Variants in CAPRIN2 observed in about 807,000 individuals in gnomAD.
CAPRIN2 encodes the protein caprin-2.
Under a neutral mutation model 130.4 loss-of-function variants are expected in CAPRIN2, and 66 were observed. The observed-to-expected ratio is 0.51, with a 90% CI of 0.42 to 0.62. The LOEUF (loss-of-function observed/expected upper bound fraction) is 0.62, where lower values mean the gene tolerates loss of function less well. CAPRIN2 is among the 20% of genes least tolerant of loss of function. The pLI, the probability that CAPRIN2 is intolerant of heterozygous loss-of-function variation, is 0.00. For missense variants in CAPRIN2, 1,185 were observed against 1,246.6 expected (o/e 0.95, Z 0.74); for synonymous variants, 471 against 444.1 (o/e 1.06, Z -0.76).
chr12:30,754,273 G>A (rs2140137332), exon 1 of CAPRIN2: 1 of 153,764 alleles, frequency 6.5e-6, no homozygotes, highest in African/African-American at 2.4e-5. Context: ...CACCCAACCA[G>A]TTTAAGAGCT....
At position 30,726,106 on chromosome 12, in the gene CAPRIN2, A is replaced by G; in HGVS notation, c.1783-18T>C. 1 of 1,459,178 alleles carries G rather than the reference A, an allele frequency of 6.9e-7. No individual in the cohort carries two copies. Among genetic ancestry groups the G allele is most frequent in the Non-Finnish European group, 9.1e-7 (1 of 1,097,410 alleles). 90.4% of individuals were successfully genotyped at this position (1,459,178 alleles called of 1,614,324 possible). A position where few individuals can be genotyped will look rare whatever the true frequency, so the allele number is the denominator to read the frequency against. ...TTAGGCACCTACAAGATAAACCCATAATGTGTAAGAGTGAAATGCAAATTC... is the reference window on the plus strand; with the variant it reads ...TTAGGCACCTACAAGATAAACCCATGATGTGTAAGAGTGAAATGCAAATTC... On this transcript the variant is annotated intron_variant, in intron 8 of 16. Coordinates refer to ENST00000298892, the Ensembl canonical transcript of CAPRIN2.
At position 30,725,960 on chromosome 12, in the gene CAPRIN2, T is replaced by A; in HGVS notation, c.1905+6A>T. ...TATCATTTAAGATTTTGTAAATGACTCATACTTGCATAAAGTTACAAGTTC... is the reference window on the plus strand; with the variant it reads ...TATCATTTAAGATTTTGTAAATGACACATACTTGCATAAAGTTACAAGTTC... On this transcript the variant is annotated splice_donor_region_variant and intron_variant, in intron 9 of 16. Coordinates refer to ENST00000298892, the Ensembl canonical transcript of CAPRIN2. 1.3e-6 allele frequency: 2 copies of A among 1,570,294 alleles called. No individual in the cohort carries two copies. The highest frequency in any genetic ancestry group is 1.7e-6 in the Non-Finnish European group (2 of 1,160,168).
At chr12:30,723,462 T>C in intron 10 of CAPRIN2, 148 bp from the exon 12 acceptor site, 1 of 594,362 alleles carries the variant, frequency 1.7e-6, no homozygotes, top group Non-Finnish European at 3.0e-6. Flanking sequence ...TCTATTAGAG[T>C]TTTAACAAGA....
Position 30,710,619 on chromosome 12 carries a change from T to C in CAPRIN2, c.2666-149A>G. On this transcript the variant is annotated intron_variant, in intron 16 of 16. Coordinates refer to ENST00000298892, the Ensembl canonical transcript of CAPRIN2. This position sits in a 1 kb window ranked among gnomAD's most constrained non-coding sequence, Gnocchi z 4.8. ...AATATATAGCTAGATTATACTTTTCTAGATTTTTCTGGTAATAGGTTTTTA... is the reference window on the plus strand; with the variant it reads ...AATATATAGCTAGATTATACTTTTCCAGATTTTTCTGGTAATAGGTTTTTA... 2 of 1,242,976 alleles carry C rather than the reference T, an allele frequency of 1.6e-6. No homozygotes were observed. Among genetic ancestry groups the C allele is most frequent in the Non-Finnish European group, 2.2e-6 (2 of 921,446 alleles). 77.0% of individuals were successfully genotyped at this position (1,242,976 alleles called of 1,614,324 possible).
intron 1 of CAPRIN2, 23 bp from the exon 3 acceptor site, chr12:30,751,156 T>C (rs188980216): frequency 3.8e-6 from 6 of 1,590,652 alleles, no homozygotes; most frequent in Middle Eastern, 1.7e-4. Flanking sequence ...AACTTGTATC[T>C]ACCATAGTCT....
At chr12:30,730,754 A>T (rs1389537294) in intron 6 of CAPRIN2, among the ~76,000 whole-genome samples, 1 of 152,172 alleles carries the variant, frequency 6.6e-6, no homozygotes, top group Non-Finnish European at 1.5e-5. Flanking sequence ...GGAAATAAAC[A>T]TGGAAAATGG....
At chr12:30,711,262 G>A (rs539189885) in intron 16 of CAPRIN2, among the ~76,000 whole-genome samples, 3 of 152,188 alleles carry the variant, frequency 2.0e-5, no homozygotes, top group Admixed American at 1.3e-4. Flanking sequence ...AACCACCATC[G>A]TGAATCATCA....
chr12:30,727,527 T>C (rs2061307229), intron 8 of CAPRIN2, among the ~76,000 whole-genome samples: 1 of 152,192 alleles, frequency 6.6e-6, no homozygotes, highest in South Asian at 2.1e-4. Flanking sequence ...TAGAGAACAC[T>C]GGAAGCACAA....
chr12:30,714,458 CAGGCGTCAGCCACCACACCCAG>C (rs1423112482), intron 14 of CAPRIN2, among the ~76,000 whole-genome samples: 20 of 152,318 alleles, frequency 1.3e-4, no homozygotes, highest in African/African-American at 4.8e-4. Flanking sequence ...AATGGGATGA[CAGGCGTCAGCCACCACACCCAG>C]CCTGTCTAGA....
At chr12:30,735,538 T>C (rs115646950) in intron 3 of CAPRIN2, among the ~76,000 whole-genome samples, 39 of 152,330 alleles carry the variant, frequency 2.6e-4, no homozygotes, top group African/African-American at 8.9e-4. Flanking sequence ...CATTTATGTG[T>C]ATCAGTCCTT....
chr12:30,719,701 C>T (rs2058778030), intron 12 of CAPRIN2: 1 of 152,230 alleles, frequency 6.6e-6, no homozygotes, highest in African/African-American at 2.4e-5. Context: ...GTAATCCTTA[C>T]CTAAGGAAGC....
chr12:30,743,555 A>T (rs2068510936), intron 2 of CAPRIN2, among the ~76,000 whole-genome samples: 1 of 152,154 alleles, frequency 6.6e-6, no homozygotes, highest in African/African-American at 2.4e-5. Flanking sequence ...TTTTACTAAC[A>T]CTGAACTTCC....
At chr12:30,727,888 T>C (rs2061406281) in intron 8 of CAPRIN2, among the ~76,000 whole-genome samples, 1 of 152,198 alleles carries the variant, frequency 6.6e-6, no homozygotes, top group Admixed American at 6.5e-5. Flanking sequence ...AGACCTGGGC[T>C]AAACTGAGTG....
chr12:30,741,145 T>G, intron 2 of CAPRIN2, 39 bp from the exon 4 acceptor site: 1 of 1,215,442 alleles, frequency 8.2e-7, no homozygotes, highest in South Asian at 1.3e-5. Flanking sequence ...TTTGTGACTG[T>G]TTAAGTATAA....
intron 3 of CAPRIN2, among the ~76,000 whole-genome samples, chr12:30,740,279 T>TAA (rs145094288): frequency 1.3e-5 from 2 of 150,058 alleles, no homozygotes; most frequent in African/African-American, 4.9e-5. Flanking sequence ...TAAAACATAA[T>TAA]AAAAAAATAT....
chr12:30,745,192 C>A (rs1346301372), intron 2 of CAPRIN2, among the ~76,000 whole-genome samples: 1 of 152,168 alleles, frequency 6.6e-6, no homozygotes, highest in Non-Finnish European at 1.5e-5. Flanking sequence ...AATTCTTTAA[C>A]AACAAAAACT....
In CAPRIN2 at chr12:30,719,427, G is replaced by A. The variant is rs138959378; in HGVS notation, c.2148+1384C>T. On this transcript the variant is annotated intron_variant, in intron 12 of 16. Transcript: ENST00000298892. ...CAGTATTTGCTTTGCACAGCTTGCTGACTAAGTGAAAGAGTCTTACCAATA... is the reference window on the plus strand; with the variant it reads ...CAGTATTTGCTTTGCACAGCTTGCTAACTAAGTGAAAGAGTCTTACCAATA... 3.5e-5 allele frequency: 20 copies of A among 570,830 alleles called. 1 individual carries two copies. The East Asian group carries it at 5.8e-4, about 16-fold the overall frequency. 35.4% of individuals were successfully genotyped at this position (570,830 alleles called of 1,614,324 possible). A position where few individuals can be genotyped will look rare whatever the true frequency, so the allele number is the denominator to read the frequency against.
At chr12:30,748,294 T>C (rs192105960) in intron 2 of CAPRIN2, among the ~76,000 whole-genome samples, 122 of 152,336 alleles carry the variant, frequency 8.0e-4, no homozygotes, top group African/African-American at 2.8e-3. Flanking sequence ...ACTGTTGTCT[T>C]AAGAAACTGC....
intron 4 of CAPRIN2, 93 bp downstream of exon 5, chr12:30,734,849 AACACACACACACACACACACACACAC>A (rs10557103): frequency 1.8e-6 from 1 of 559,406 alleles, no homozygotes; most frequent in Admixed American, 2.7e-5. Context: ...CCCCCTCTCT[AACACACACACACACACACACACACAC>A]ACACACACAC....
Sources: allele counts gnomAD v4.1 joint callset (sites outside exome capture counted in the v4.1 genomes callset), GRCh38; gene constraint gnomAD v4.1.1; non-coding constraint Gnocchi (gnomAD v3.1); transcripts MANE v1.5; gene names NCBI Gene and HGNC (gene_info 2026-07-23, HGNC 2026-07-21).